The following DCK variants were observed in gnomAD, a reference collection of about 807,000 sequenced individuals.
The protein encoded by DCK is deoxycytidine kinase, also known as deoxyadenosine kinase.
Under a neutral mutation model 38.3 loss-of-function variants are expected in DCK, and 23 were observed. The ratio of observed to expected loss-of-function variants is 0.60; its 90% CI spans 0.43 to 0.85. DCK has a LOEUF of 0.85. DCK is among the 40% of genes least tolerant of loss of function. The pLI, the probability that DCK is intolerant of heterozygous loss-of-function variation, is 0.00. For missense variants in DCK, 259 were observed against 304.4 expected, an observed-to-expected ratio of 0.85 and a Z score of 1.11; for synonymous variants, 108 against 100.6, an observed-to-expected ratio of 1.07 and a Z score of -0.44.
Position 70,993,871 on chromosome 4 carries a change from C to T in DCK, c.36C>T (p.Phe12=), listed in dbSNP as rs1739598761. ...ATPPKRSCPS[F]SASSEGTRIK... ...CGCCCAAGAGAAGCTGCCCGTCTTT[C>T]TCAGCCAGCTCTGAGGGGACCCGCA... Residue 12 remains phenylalanine, a synonymous_variant, in exon 1 of 7, where the codon TTC becomes TTT. Transcript: ENST00000286648. The T allele has an allele frequency of 6.2e-7, 1 of 1,613,898 alleles. No individual in the cohort carries two copies. Among genetic ancestry groups the T allele is most frequent in the African/African-American group, 1.3e-5 (1 of 74,952 alleles).
At chr4:71,022,260 C>A in intron 2 of DCK, 107 bp from the exon 3 acceptor site, 2 of 586,998 alleles carry the variant, frequency 3.4e-6, no homozygotes, top group Non-Finnish European at 5.7e-6. Flanking sequence ...TTTTGCTGAT[C>A]ATGATTACAT....
At chr4:71,000,320 T>C (rs1444929464) in intron 2 of DCK, among the ~76,000 whole-genome samples, 1 of 152,220 alleles carries the variant, frequency 6.6e-6, no homozygotes, top group African/African-American at 2.4e-5. Context: ...TTGTCAAAGA[T>C]CAGATGGTTG....
At chr4:71,015,578 A>G (rs958220880) in intron 2 of DCK, among the ~76,000 whole-genome samples, 1 of 152,228 alleles carries the variant, frequency 6.6e-6, no homozygotes, top group Non-Finnish European at 1.5e-5. Context: ...CAAAAAGCTT[A>G]TCCACCATGA....
chr4:71,012,457 C>G (rs1267035454), intron 2 of DCK, among the ~76,000 whole-genome samples: 7 of 152,260 alleles, frequency 4.6e-5, no homozygotes. Flanking sequence ...TGAGAACGGA[C>G]AGACTGCCTC....
intron 2 of DCK, among the ~76,000 whole-genome samples, chr4:71,012,225 G>A (rs190815703): frequency 7.2e-5 from 11 of 152,294 alleles, no homozygotes; most frequent in Middle Eastern, 3.4e-3. Context: ...GGGGAGGGGC[G>A]CCCACCATTG....
chr4:71,023,447 G>A (rs1740476174), intron 3 of DCK, 112 bp from the exon 4 acceptor site: 10 of 693,464 alleles, frequency 1.4e-5, no homozygotes, highest in South Asian at 7.2e-5. Context: ...TGCTTTCCAC[G>A]GCACTATGTG....
At chr4:71,013,155 A>G (rs931736029) in intron 2 of DCK, among the ~76,000 whole-genome samples, 1 of 152,218 alleles carries the variant, frequency 6.6e-6, no homozygotes, top group Non-Finnish European at 1.5e-5. Flanking sequence ...AAGAAAGGGT[A>G]TCAGTGATTG....
At chr4:71,026,034 C>G (rs2148919976) in intron 5 of DCK, 103 bp downstream of exon 5, 1 of 1,334,268 alleles carries the variant, frequency 7.5e-7, no homozygotes, top group South Asian at 2.2e-5. Context: ...TGTAAAATTT[C>G]CAGTCGTTTT....
intron 2 of DCK, among the ~76,000 whole-genome samples, chr4:71,015,852 A>G (rs775526915): frequency 3.9e-5 from 6 of 152,190 alleles, no homozygotes; most frequent in Non-Finnish European, 5.9e-5. Flanking sequence ...AACTGGAAAC[A>G]TTCCCTTTGA....
intron 4 of DCK, among the ~76,000 whole-genome samples, chr4:71,025,284 G>A (rs1023020798): frequency 6.6e-6 from 1 of 152,076 alleles, no homozygotes; most frequent in Non-Finnish European, 1.5e-5. Flanking sequence ...TATTTCAAGT[G>A]CTTAAAAACC....
chr4:71,030,358 C>T lies in DCK; in HGVS notation c.*980C>T, dbSNP rs1254254221. On this transcript the variant is annotated 3_prime_UTR_variant, in exon 7 of 7. Transcript: ENST00000286648. ...GTTTTTCCTGTGTATTAAACCTTTC[C>T]ATTTTACGTTTTAGAAAATTTTATG... 6.6e-6 allele frequency: 1 copy of T among 151,948 alleles called. No individual in the cohort carries two copies. The highest frequency in any genetic ancestry group is 1.5e-5 in the Non-Finnish European group (1 of 67,954). The allele number at this position is 151,948 out of a possible 1,614,324, so 9.4% of individuals were successfully genotyped here. A position where few individuals can be genotyped will look rare whatever the true frequency, so the allele number is the denominator to read the frequency against.
At chr4:71,017,909 C>T (rs1490891803) in intron 2 of DCK, among the ~76,000 whole-genome samples, 1 of 151,634 alleles carries the variant, frequency 6.6e-6, no homozygotes, top group African/African-American at 2.4e-5. Context: ...GCACATGTAC[C>T]CAAGAACTTA....
intron 5 of DCK, 124 bp from the exon 6 acceptor site, chr4:71,026,541 G>A: frequency 1.5e-6 from 1 of 654,926 alleles, no homozygotes; most frequent in South Asian, 1.8e-5. Flanking sequence ...GTACTGCAAA[G>A]TAACTTTAGT....
intron 2 of DCK, among the ~76,000 whole-genome samples, chr4:70,998,430 A>G (rs1468041296): frequency 6.6e-6 from 1 of 152,210 alleles, no homozygotes; most frequent in Non-Finnish European, 1.5e-5. Context: ...AAAAATACAA[A>G]TAATAAAGGA....
intron 2 of DCK, among the ~76,000 whole-genome samples, chr4:71,016,728 A>C (rs1740274893): frequency 6.6e-6 from 1 of 152,242 alleles, no homozygotes; most frequent in South Asian, 2.1e-4. Flanking sequence ...ATGGCTAGCC[A>C]TATGTAGAAA....
Position 71,023,637 on chromosome 4 carries a change from C to T in DCK, c.480C>T (p.Asp160=), listed in dbSNP as rs558748148. Residue 160 remains aspartate (D), a synonymous_variant, in exon 4 of 7, where the codon GAC becomes GAT. Transcript: ENST00000286648. ...GGACAATTTATCAAGACTGGCATGA[C>T]TGGATGAATAACCAATTTGGCCAAA... The part of the protein sequence containing the change: ...TEWTIYQDWH[D]WMNNQFGQSL... 4 of 1,613,106 alleles carry T rather than the reference C, an allele frequency of 2.5e-6. 1 individual carries two copies. The South Asian group carries it at 4.4e-5, about 18-fold the overall frequency.
chr4:71,023,473 G>A, intron 3 of DCK, 86 bp from the exon 4 acceptor site: 1 of 882,474 alleles, frequency 1.1e-6, no homozygotes, highest in East Asian at 2.7e-5. Context: ...GGATTTAGGA[G>A]AATGTTTCAT....
At chr4:71,007,717 A>T (rs978671197) in intron 2 of DCK, among the ~76,000 whole-genome samples, 18 of 152,222 alleles carry the variant, frequency 1.2e-4, no homozygotes, top group African/African-American at 3.6e-4. Flanking sequence ...TTTGTTTTTT[A>T]AAAATATTCT....
At chr4:70,996,953 T>C (rs992805901) in intron 1 of DCK, among the ~76,000 whole-genome samples, 6 of 152,346 alleles carry the variant, frequency 3.9e-5, no homozygotes, top group Middle Eastern at 3.4e-3. Flanking sequence ...AATTAATTTA[T>C]TAATTAGCTT....
Sources: gnomAD v4.1 joint callset for allele counts (sites outside exome capture counted in the v4.1 genomes callset) on GRCh38, gnomAD v4.1.1 for gene constraint, MANE v1.5 for transcripts, NCBI Gene and HGNC (gene_info 2026-07-23, HGNC 2026-07-21) for gene names.